Variants in PCSK5 observed in about 807,000 individuals in gnomAD.
PCSK5 encodes proprotein convertase subtilisin/kexin type 5.
A neutral mutation model predicts 233.2 loss-of-function variants in PCSK5; 129 were observed. The ratio of observed to expected loss-of-function variants is 0.55; its 90% confidence interval spans 0.48 to 0.64. The LOEUF (loss-of-function observed/expected upper bound fraction) is 0.64, where lower values mean the gene tolerates loss of function less well. Ranked by LOEUF, PCSK5 falls within the 30% of genes least tolerant of loss-of-function variation. The pLI, the probability that PCSK5 is intolerant of heterozygous loss-of-function variation, is 0.00. For synonymous variants in PCSK5, 825 were observed against 879.2 expected (o/e 0.94, Z 1.09); for missense variants, 2,076 against 2,430.1 (o/e 0.85, Z 3.06).
chr9:76,311,391 GATCAACTGATGTC>G (rs1356655291), intron 30 of PCSK5, among the ~76,000 whole-genome samples: 1 of 151,684 alleles, frequency 6.6e-6, no homozygotes, highest in African/African-American at 2.4e-5. Context: ...TTATATTAAT[GATCAACTGATGTC>G]ATGTTTTTTT....
chr9:76,323,848 T>C (rs1388416929), intron 32 of PCSK5, among the ~76,000 whole-genome samples: 1 of 151,900 alleles, frequency 6.6e-6, no homozygotes, highest in East Asian at 1.9e-4. Context: ...CTTCAAAAGC[T>C]ACCTGAGACT....
At chr9:75,987,761 CT>C (rs1587463173) in intron 3 of PCSK5, among the ~76,000 whole-genome samples, 1 of 152,190 alleles carries the variant, frequency 6.6e-6, no homozygotes, top group East Asian at 1.9e-4. Context: ...GGAGTGAGCA[CT>C]GGCAGGAGCT....
intron 1 of PCSK5, among the ~76,000 whole-genome samples, chr9:75,927,675 G>A (rs77457090): frequency 8.5e-5 from 13 of 152,262 alleles, no homozygotes; most frequent in African/African-American, 2.9e-4. Context: ...CCTCATCAGG[G>A]GCAAAGCCAG....
chr9:76,240,500 A>G (rs1272208332), intron 23 of PCSK5, 116 bp from the exon 24 acceptor site: 6 of 746,660 alleles, frequency 8.0e-6, no homozygotes, highest in Admixed American at 2.2e-5. Context: ...TTTGGGCTTC[A>G]TAATTGCTCT....
chr9:76,145,047 C>T (rs1015471330), intron 10 of PCSK5, among the ~76,000 whole-genome samples: 2 of 152,108 alleles, frequency 1.3e-5, no homozygotes, highest in Admixed American at 6.5e-5. Flanking sequence ...ATCGCTTGAA[C>T]CTGGGAGGCA....
intron 20 of PCSK5, among the ~76,000 whole-genome samples, chr9:76,223,242 A>C (rs1825786905): frequency 6.6e-6 from 1 of 152,236 alleles, no homozygotes; most frequent in African/African-American, 2.4e-5. Context: ...AGAATTCTAC[A>C]ATAAATTTAG....
At chr9:76,087,627 G>A (rs1012819565) in intron 7 of PCSK5, among the ~76,000 whole-genome samples, 6 of 152,110 alleles carry the variant, frequency 3.9e-5, no homozygotes, top group Non-Finnish European at 7.3e-5. Context: ...AAGTGAGGTC[G>A]GCTGCATTTG....
intron 24 of PCSK5, among the ~76,000 whole-genome samples, chr9:76,255,484 C>T (rs1237771962): frequency 1.3e-5 from 2 of 152,086 alleles, no homozygotes; most frequent in Non-Finnish European, 2.9e-5. Context: ...GGACATTTTA[C>T]AAACATGACC....
rs1412621454 is a variant in PCSK5 at position 76,201,123 on chromosome 9, C to T, written c.2626+11377C>T. 3.3e-5 allele frequency among the ~76,000 whole-genome samples: 5 copies of T among 152,156 alleles called. No individual in the cohort carries two copies. The East Asian group carries it at 7.7e-4, about 23-fold the overall frequency. ...ACTGTGATGTCCACAGTCAGAGCAACAATTTGGCAAGGCCTGTTTGCAAAA... is the reference window on the plus strand; with the variant it reads ...ACTGTGATGTCCACAGTCAGAGCAATAATTTGGCAAGGCCTGTTTGCAAAA... On this transcript the variant is annotated intron_variant, in intron 20 of 37. Transcript: ENST00000674117.
intron 5 of PCSK5, among the ~76,000 whole-genome samples, chr9:76,027,391 T>C (rs1300834179): frequency 6.6e-6 from 1 of 152,012 alleles, no homozygotes; most frequent in East Asian, 1.9e-4. Context: ...TATTTTGTTC[T>C]GTTAAATTCA....
intron 3 of PCSK5, among the ~76,000 whole-genome samples, chr9:76,015,254 G>A (rs1394516907): frequency 2.6e-5 from 4 of 152,114 alleles, no homozygotes; most frequent in Admixed American, 6.5e-5. Context: ...GTTGTATTCC[G>A]CCCCTCAACA....
chr9:76,324,951 C>A (rs562635723), intron 32 of PCSK5, among the ~76,000 whole-genome samples: 1 of 152,206 alleles, frequency 6.6e-6, no homozygotes, highest in South Asian at 2.1e-4. Context: ...GACACCCACA[C>A]CCTAGGACAT....
intron 24 of PCSK5, among the ~76,000 whole-genome samples, chr9:76,277,229 A>G (rs1186797000): frequency 5.3e-5 from 8 of 152,142 alleles, no homozygotes; most frequent in Non-Finnish European, 1.2e-4. Flanking sequence ...CATCTCAAAA[A>G]CAATAATAAT....
rs367615435 is a variant in PCSK5 at position 76,147,204 on chromosome 9, A to T, written c.1313-9841A>T. 6.6e-5 allele frequency among the ~76,000 whole-genome samples: 10 copies of T among 152,292 alleles called. No homozygotes were observed. The East Asian group carries it at 1.4e-3, about 21-fold the overall frequency. On this transcript the variant is annotated intron_variant, in intron 10 of 37. Transcript: ENST00000674117. ...TTCAAAGAAGGAAGTATCTAGACCA[A>T]TCTGTCCCTGAAGTGTGAGTGATAA...
intron 22 of PCSK5, among the ~76,000 whole-genome samples, chr9:76,234,812 T>C (rs1473560398): frequency 6.6e-6 from 1 of 152,218 alleles, no homozygotes; most frequent in East Asian, 1.9e-4. Flanking sequence ...ATTATTACTG[T>C]TATTGTTTGT....
At chr9:76,251,673 G>A (rs1587805668) in intron 24 of PCSK5, among the ~76,000 whole-genome samples, 1 of 151,816 alleles carries the variant, frequency 6.6e-6, no homozygotes, top group Admixed American at 6.6e-5. Flanking sequence ...TGAATTGCTA[G>A]CATTTATTGA....
intron 10 of PCSK5, among the ~76,000 whole-genome samples, chr9:76,148,208 T>C (rs952931820): frequency 4.6e-5 from 7 of 151,446 alleles, no homozygotes; most frequent in Non-Finnish European, 1.0e-4. Flanking sequence ...CCGGTCTAGA[T>C]CTCTCTTTGT....
At chr9:76,331,405 C>A (rs575019212) in intron 33 of PCSK5, among the ~76,000 whole-genome samples, 2 of 151,870 alleles carry the variant, frequency 1.3e-5, no homozygotes, top group Non-Finnish European at 2.9e-5. Context: ...TGGTGGCTCA[C>A]GCCTGTAATC....
At chr9:76,123,759 A>G (rs1832735186) in intron 9 of PCSK5, among the ~76,000 whole-genome samples, 1 of 152,162 alleles carries the variant, frequency 6.6e-6, no homozygotes, top group African/African-American at 2.4e-5. Flanking sequence ...CAGAGTCTGT[A>G]TTTGTTGATG....
Sources: allele counts gnomAD v4.1 joint callset (sites outside exome capture counted in the v4.1 genomes callset), GRCh38; gene constraint gnomAD v4.1.1; transcripts MANE v1.5; gene names NCBI Gene and HGNC (gene_info 2026-07-23, HGNC 2026-07-21).